The following PDAP1 variants were observed in gnomAD, a reference collection of about 807,000 sequenced individuals.
The protein encoded by PDAP1 is 28 kDa heat- and acid-stable phosphoprotein.
Under a neutral mutation model 28.0 loss-of-function variants are expected in PDAP1, and 13 were observed. That is an observed-to-expected ratio of 0.46 (90% CI 0.30 to 0.74). The LOEUF is 0.74. PDAP1 is among the 30% of genes least tolerant of loss of function. The probability of loss-of-function intolerance (pLI) is 0.07; values close to 1 mark genes in which losing one functional copy is unlikely to be tolerated. For missense variants in PDAP1, 150 were observed against 230.0 expected (o/e 0.65, Z 2.25); for synonymous variants, 77 against 85.1 (o/e 0.91, Z 0.52).
At chr7:99,404,778 A>T (rs1794939030) in intron 2 of PDAP1, 84 bp downstream of exon 2, 7 of 1,031,750 alleles carry the variant, frequency 6.8e-6, no homozygotes, top group Non-Finnish European at 1.0e-5. Flanking sequence ...GCGAATGGGT[A>T]GTCCTTGCCT....
intron 2 of PDAP1, 88 bp from the exon 3 acceptor site, chr7:99,403,593 T>C: frequency 2.2e-6 from 2 of 894,574 alleles, no homozygotes; most frequent in Non-Finnish European, 3.8e-6. Context: ...ACTGTGGATC[T>C]TGAGAAATCA....
chr7:99,406,072 A>G (rs1437346711), intron 1 of PDAP1, among the ~76,000 whole-genome samples: 1 of 152,174 alleles, frequency 6.6e-6, no homozygotes, highest in East Asian at 1.9e-4. Context: ...AACATGGTGA[A>G]ACCCCCTCAC....
rs1794740149 is a variant in PDAP1, at chr7:99,395,606, G to A, written c.*1076C>T. 1 of 152,270 alleles carries A rather than the reference G, an allele frequency of 6.6e-6. No homozygotes were observed. The highest frequency in any genetic ancestry group is 1.5e-5 in the Non-Finnish European group (1 of 68,080). 9.4% of individuals were successfully genotyped at this position (152,270 alleles called of 1,614,324 possible). The stretch of plus-strand genomic sequence containing the variant: ...GCACATCTTTTGTGGCTTCTCTCAG[G>A]AAAATGTGGGCCTTGGCGACATCCA... On this transcript the variant is annotated 3_prime_UTR_variant, in exon 6 of 6. Transcript: ENST00000350498.
At position 99,397,998 on chromosome 7, in the gene PDAP1, C is replaced by T. The variant is rs367649054; in HGVS notation, c.351G>A (p.Lys117=). 1.2e-6 allele frequency: 2 copies of T among 1,614,126 alleles called. No individual in the cohort carries two copies. The highest frequency in any genetic ancestry group is 2.7e-5 in the African/African-American group (2 of 74,956). Residue 117 remains lysine (K), a synonymous_variant, in exon 5 of 6, where the codon AAG becomes AAA. Transcript: ENST00000350498. ...TCATGTAACGCTCTTTTGCCTTCTG[C>T]TTCTCAATCTCTTCTCTGTGTGGAT... The part of the protein sequence containing the change: ...LSRREREEIE[K]QKAKERYMKM...
Position 99,404,925 on chromosome 7 carries a change from C to T in PDAP1, c.42G>A (p.Ala14=), listed in dbSNP as rs139029496. 50 of 1,613,850 alleles carry T rather than the reference C, an allele frequency of 3.1e-5. No individual in the cohort carries two copies. The African/African-American group carries it at 3.2e-4, about 10-fold the overall frequency. The part of the protein sequence containing the change: ...GGRKGGHKGR[A]RQYTSPEEID... ...TCTCCTCAGGGCTTGTATACTGCCT[C>T]GCCCGGCCTTTGTGGCCTCCCTTTC... is the stretch of plus-strand genomic sequence containing the variant. The change falls in exon 2 of 6, where the codon GCG becomes GCA. Residue 14 remains alanine (A), a synonymous_variant. Transcript: ENST00000350498.
intron 3 of PDAP1, 144 bp from the exon 4 acceptor site, chr7:99,400,568 A>C: frequency 8.2e-6 from 7 of 848,816 alleles, no homozygotes; most frequent in East Asian, 2.6e-5. Flanking sequence ...CCCAAGTCTC[A>C]CAGTGGGTAT....
chr7:99,402,979 A>G lies in PDAP1; in HGVS notation c.213+419T>C, dbSNP rs530814457. 1.8e-4 allele frequency among the ~76,000 whole-genome samples: 27 copies of G among 151,460 alleles called. No individual in the cohort carries two copies. The South Asian group carries it at 5.7e-3, about 32-fold the overall frequency. ...CCAATTCTCCTCCTGCATCTGGACC[A>G]CTCCGCTCCTTACCCACTAACTCAC... On this transcript the variant is annotated intron_variant, in intron 3 of 5. Coordinates refer to ENST00000350498, the MANE Select transcript of PDAP1 (RefSeq NM_014891.7).
chr7:99,399,822 T>C (rs1207054687), intron 4 of PDAP1, among the ~76,000 whole-genome samples: 1 of 152,176 alleles, frequency 6.6e-6, no homozygotes, highest in Non-Finnish European at 1.5e-5. Context: ...ATACGACTCT[T>C]GAGGAAGATA....
intron 1 of PDAP1, chr7:99,406,636 C>G (rs1211433656): frequency 2.0e-6 from 2 of 984,384 alleles, no homozygotes; most frequent in Non-Finnish European, 2.4e-6. Context: ...AGGTGGCATC[C>G]CCCTCTGCTG....
intron 1 of PDAP1, 32 bp downstream of exon 1, chr7:99,408,504 A>G: frequency 7.5e-7 from 1 of 1,333,188 alleles, no homozygotes; most frequent in Non-Finnish European, 9.6e-7. Context: ...CCGCCCCTCC[A>G]GGCCTGCGGG....
chr7:99,407,802 G>A (rs1184742985), intron 1 of PDAP1, among the ~76,000 whole-genome samples: 1 of 152,170 alleles, frequency 6.6e-6, no homozygotes, highest in Non-Finnish European at 1.5e-5. Flanking sequence ...GAAGATAGAG[G>A]ACGGGCTACA....
intron 4 of PDAP1, among the ~76,000 whole-genome samples, chr7:99,399,245 TGAG>T (rs1318274837): frequency 1.3e-5 from 2 of 152,014 alleles, no homozygotes; most frequent in African/African-American, 2.4e-5. Context: ...ACTACAGAGC[TGAG>T]GAGATAATAC....
chr7:99,397,362 C>G (rs1339394389), intron 5 of PDAP1, among the ~76,000 whole-genome samples: 1 of 152,282 alleles, frequency 6.6e-6, no homozygotes, highest in South Asian at 2.1e-4. Context: ...GAGGAACCTC[C>G]ACCATCTCTG....
chr7:99,394,974 T>C lies in PDAP1; in HGVS notation c.*1708A>G, dbSNP rs1794720325. Reference sequence around the variant, plus strand: ...TGGTGTTTGCACGGCCATAGGTAGATAGCTTATTTTTACTGCTTGCCAACA... The same window carrying C: ...TGGTGTTTGCACGGCCATAGGTAGACAGCTTATTTTTACTGCTTGCCAACA... On this transcript the variant is annotated 3_prime_UTR_variant, in exon 6 of 6. Transcript: ENST00000350498. 2.6e-6 allele frequency: 1 copy of C among 387,854 alleles called. No homozygotes were observed. The highest frequency in any genetic ancestry group is 6.4e-5 in the East Asian group (1 of 15,642). The allele number at this position is 387,854 out of a possible 1,614,324, so 24.0% of individuals were successfully genotyped here.
chr7:99,394,738 T>C lies in PDAP1; in HGVS notation c.*1944A>G. 1 of 1,215,582 alleles carries C rather than the reference T, an allele frequency of 8.2e-7. No homozygotes were observed. The highest frequency in any genetic ancestry group is 1.0e-6 in the Non-Finnish European group (1 of 987,328). The allele number at this position is 1,215,582 out of a possible 1,614,324, so 75.3% of individuals were successfully genotyped here. On this transcript the variant is annotated 3_prime_UTR_variant, in exon 6 of 6. Transcript: ENST00000350498. ...TGCCCCCAAAGCACTATGCTGGTCA[T>C]GAACTGCTTCAAAATGTGGAGGTAA...
At chr7:99,407,099 A>C (rs570522896) in intron 1 of PDAP1, among the ~76,000 whole-genome samples, 5 of 152,326 alleles carry the variant, frequency 3.3e-5, no homozygotes, top group Admixed American at 3.3e-4. Flanking sequence ...AGACTTTAAA[A>C]AACGATTTGC....
intron 1 of PDAP1, among the ~76,000 whole-genome samples, chr7:99,405,665 CA>C (rs1377407523): frequency 6.6e-6 from 1 of 152,054 alleles, no homozygotes; most frequent in Non-Finnish European, 1.5e-5. Flanking sequence ...CCCAGCCAGC[CA>C]GGGGCACAGT....
intron 2 of PDAP1, among the ~76,000 whole-genome samples, chr7:99,404,652 A>T (rs1414944432): frequency 1.3e-5 from 2 of 152,188 alleles, no homozygotes; most frequent in Non-Finnish European, 2.9e-5. Flanking sequence ...GAGCAGCCAC[A>T]GTTCTTTCTA....
chr7:99,399,196 G>A (rs1373340903), intron 4 of PDAP1, among the ~76,000 whole-genome samples: 3 of 152,144 alleles, frequency 2.0e-5, no homozygotes, highest in Non-Finnish European at 4.4e-5. Context: ...AGCTAGAGGG[G>A]AGGGAGAGGG....
Sources: allele counts gnomAD v4.1 joint callset (sites outside exome capture counted in the v4.1 genomes callset), GRCh38; gene constraint gnomAD v4.1.1; transcripts MANE v1.5; gene names NCBI Gene and HGNC (gene_info 2026-07-23, HGNC 2026-07-21).